SOX5: variants seen among roughly 807,000 people sequenced by gnomAD.
SOX5 encodes transcription factor SOX-5.
In SOX5, 9 loss-of-function variants were observed where a neutral mutation model predicts 92.0. That is an observed-to-expected ratio of 0.10 (90% confidence interval 0.06 to 0.17). The LOEUF (loss-of-function observed/expected upper bound fraction) is 0.17. SOX5 is among the 10% of genes least tolerant of loss of function. SOX5 has a pLI of 1.00. For synonymous variants in SOX5, 344 were observed against 336.3 expected (o/e 1.02, Z -0.25); for missense variants, 642 against 944.5 (o/e 0.68, Z 4.20).
At chr12:24,232,450 C>A (rs1963592921) in intron 3 of SOX5, among the ~76,000 whole-genome samples, 1 of 152,156 alleles carries the variant, frequency 6.6e-6, no homozygotes. Flanking sequence ...CATACTAATA[C>A]TTAATACTTT....
At chr12:24,354,748 T>C (rs1412582264) in intron 2 of SOX5, among the ~76,000 whole-genome samples, 2 of 152,196 alleles carry the variant, frequency 1.3e-5, no homozygotes, top group Non-Finnish European at 2.9e-5. Flanking sequence ...GTCGTATCAT[T>C]TGTGTAATAA....
Position 24,001,715 on chromosome 12 carries a change from T to C in SOX5, c.-1-105691A>G, listed in dbSNP as rs922341903. Reference sequence around the variant, plus strand: ...CCACTAATAATTAACTGTATTTGTGTATTTGTGTGTTTGTGTGAAGTAAAT... The same window carrying C: ...CCACTAATAATTAACTGTATTTGTGCATTTGTGTGTTTGTGTGAAGTAAAT... On this transcript the variant is annotated intron_variant, in intron 4 of 4. Transcript: ENST00000446891. 2.0e-5 allele frequency among the ~76,000 whole-genome samples: 3 copies of C among 152,200 alleles called. No homozygotes were observed. The South Asian group carries it at 6.2e-4, about 31-fold the overall frequency.
intron 1 of SOX5, among the ~76,000 whole-genome samples, chr12:24,544,757 C>T (rs1199205922): frequency 6.6e-6 from 1 of 152,168 alleles, no homozygotes; most frequent in Admixed American, 6.5e-5. Context: ...TAAATAGTAG[C>T]ACATGTCAAA....
intron 2 of SOX5, among the ~76,000 whole-genome samples, chr12:24,281,813 G>A (rs1192350355): frequency 6.6e-6 from 1 of 152,152 alleles, no homozygotes; most frequent in Non-Finnish European, 1.5e-5. Context: ...CTTTGATAAT[G>A]AAAAGGCTAA....
chr12:24,424,462 G>T (rs912073697), intron 1 of SOX5, among the ~76,000 whole-genome samples: 4 of 151,646 alleles, frequency 2.6e-5, no homozygotes, highest in African/African-American at 9.7e-5. Flanking sequence ...AGTTTTTATG[G>T]CATATACTAG....
intron 4 of SOX5, among the ~76,000 whole-genome samples, chr12:24,036,666 T>C (rs1179753278): frequency 6.6e-6 from 1 of 152,118 alleles, no homozygotes; most frequent in Non-Finnish European, 1.5e-5. Context: ...CTATGACAAA[T>C]CAGACTGCTT....
intron 3 of SOX5, among the ~76,000 whole-genome samples, chr12:24,253,029 C>G (rs765491629): frequency 2.6e-5 from 4 of 151,916 alleles, no homozygotes; most frequent in Non-Finnish European, 5.9e-5. Flanking sequence ...GTTTTTTAAG[C>G]ACAATAGCAG....
chr12:24,509,730 G>C (rs541150347), intron 1 of SOX5, among the ~76,000 whole-genome samples: 26 of 152,198 alleles, frequency 1.7e-4, no homozygotes, highest in Non-Finnish European at 3.2e-4. Flanking sequence ...ACTTGTATTT[G>C]TGTTGCTCTT....
At chr12:23,832,176 T>C (rs971269245) in intron 3 of SOX5, among the ~76,000 whole-genome samples, 14 of 152,024 alleles carry the variant, frequency 9.2e-5, no homozygotes, top group African/African-American at 1.9e-4. Flanking sequence ...AATCCAATGT[T>C]AAAACTGCCC....
At chr12:24,078,266 G>C (rs1942895131) in intron 4 of SOX5, among the ~76,000 whole-genome samples, 2 of 152,036 alleles carry the variant, frequency 1.3e-5, no homozygotes, top group Non-Finnish European at 2.9e-5. Context: ...AGGGGAGAGA[G>C]AGAGAACTTT....
chr12:24,210,997 T>C (rs1451731490), intron 4 of SOX5, among the ~76,000 whole-genome samples: 2 of 152,192 alleles, frequency 1.3e-5, no homozygotes, highest in Non-Finnish European at 2.9e-5. Flanking sequence ...CTCAGAATAA[T>C]AGTCAAGGTC....
At chr12:23,844,741 T>A (rs1165354396) in intron 3 of SOX5, among the ~76,000 whole-genome samples, 1 of 152,162 alleles carries the variant, frequency 6.6e-6, no homozygotes, top group Non-Finnish European at 1.5e-5. Context: ...TGATTTTTAT[T>A]TTCTTCCTTA....
intron 3 of SOX5, among the ~76,000 whole-genome samples, chr12:24,250,786 G>T (rs1353194730): frequency 5.9e-5 from 9 of 152,142 alleles, no homozygotes; most frequent in African/African-American, 2.2e-4. Context: ...GAAGACAGAT[G>T]CCAAGGTCTA....
At chr12:23,991,348 AAT>A (rs1454569278) in intron 4 of SOX5, among the ~76,000 whole-genome samples, 2 of 148,716 alleles carry the variant, frequency 1.3e-5, no homozygotes. Context: ...CAACAAAAAA[AAT>A]ATATATATAT....
At chr12:23,739,243 C>A (rs1266538120) in intron 5 of SOX5, among the ~76,000 whole-genome samples, 1 of 152,272 alleles carries the variant, frequency 6.6e-6, no homozygotes, top group Non-Finnish European at 1.5e-5. Context: ...AAAAAGAGGG[C>A]CATACTTATC....
chr12:24,514,977 T>C (rs1267907800), intron 1 of SOX5, among the ~76,000 whole-genome samples: 1 of 152,146 alleles, frequency 6.6e-6, no homozygotes, highest in Non-Finnish European at 1.5e-5. Flanking sequence ...TGAAATAATC[T>C]GTACAACAAA....
In SOX5 at chr12:24,409,671, C is replaced by G. The variant is rs575579967; in HGVS notation, c.-250-41032G>C. ...TCCCCACCAACAATGTCTGAATGAG[C>G]TAGTTTCTGTACATCCTTGTCAGCA... On this transcript the variant is annotated intron_variant, in intron 1 of 4. Transcript: ENST00000446891. Among the ~76,000 whole-genome samples the G allele has an allele frequency of 5.3e-5, 8 of 152,228 alleles. No homozygotes were observed. The East Asian group carries it at 1.5e-3, about 29-fold the overall frequency.
intron 8 of SOX5, among the ~76,000 whole-genome samples, chr12:23,619,218 A>G (rs2076907260): frequency 6.6e-6 from 1 of 152,174 alleles, no homozygotes; most frequent in Non-Finnish European, 1.5e-5. Flanking sequence ...CTCTTTGAGT[A>G]TACAAATTAT....
At chr12:24,450,131 A>G (rs1038083315) in intron 1 of SOX5, among the ~76,000 whole-genome samples, 2 of 151,656 alleles carry the variant, frequency 1.3e-5, no homozygotes, top group Admixed American at 1.3e-4. Flanking sequence ...TTAGAACAGG[A>G]CTTGAGATAA....
Sources: gnomAD v4.1 joint callset for allele counts (sites outside exome capture counted in the v4.1 genomes callset) on GRCh38, gnomAD v4.1.1 for gene constraint, MANE v1.5 for transcripts, NCBI Gene and HGNC (gene_info 2026-07-23, HGNC 2026-07-21) for gene names.